INPP5A: variants seen among roughly 807,000 people sequenced by gnomAD.
INPP5A encodes 43 kDa inositol polyphosphate 5-phophatase.
In INPP5A, 14 loss-of-function variants were observed where a neutral mutation model predicts 65.2. The ratio of observed to expected loss-of-function variants is 0.21; its 90% CI spans 0.14 to 0.34. INPP5A has a LOEUF of 0.34. INPP5A is among the 10% of genes least tolerant of loss of function. INPP5A has a pLI of 1.00. For missense variants in INPP5A, 431 were observed against 545.6 expected (o/e 0.79, Z 2.09); for synonymous variants, 207 against 208.3 (o/e 0.99, Z 0.05).
At chr10:132,712,940 G>A (rs1398664545) in intron 8 of INPP5A, among the ~76,000 whole-genome samples, 1 of 150,184 alleles carries the variant, frequency 6.7e-6, no homozygotes, top group African/African-American at 2.4e-5. Flanking sequence ...ATGCATGGGT[G>A]TGGGCGTGTG....
chr10:132,580,702 C>G (rs2071471918), intron 1 of INPP5A, among the ~76,000 whole-genome samples: 1 of 152,210 alleles, frequency 6.6e-6, no homozygotes, highest in African/African-American at 2.4e-5. Context: ...AATTTTATAG[C>G]TAACACTTGT....
rs571369920 is a variant in INPP5A, at chr10:132,712,459, G to A, written c.647+2003G>A. 1.9e-3 allele frequency among the ~76,000 whole-genome samples: 290 copies of A among 151,980 alleles called. 4 individuals are homozygous for A. The highest frequency in any genetic ancestry group is 6.8e-3 in the African/African-American group (280 of 41,436). Reference sequence around the variant, plus strand: ...CGTGTGTGGGTGTGTGTGGGTGCATGTGTGGTGTGGATGTGTGTGGGTACA... The same window carrying A: ...CGTGTGTGGGTGTGTGTGGGTGCATATGTGGTGTGGATGTGTGTGGGTACA... On this transcript the variant is annotated intron_variant, in intron 8 of 15. Coordinates refer to ENST00000368594, the MANE Select transcript of INPP5A (RefSeq NM_005539.5).
rs1283389206 is a variant in INPP5A, at chr10:132,674,146, C to T, written c.307-16246C>T. Among the ~76,000 whole-genome samples, 1 of 152,252 alleles carries T rather than the reference C, an allele frequency of 6.6e-6. No individual in the cohort carries two copies. Among genetic ancestry groups the T allele is most frequent in the Non-Finnish European group, 1.5e-5 (1 of 68,048 alleles). ...CATTGGTGAGCACTCACATGCGATA[C>T]AAATATCTTCACAAATTTTGACCAC... On this transcript the variant is annotated intron_variant, in intron 4 of 15. Transcript: ENST00000368594. The surrounding 1 kb of genome is among the most constrained non-coding windows in gnomAD (Gnocchi z 4.4).
At position 132,698,097 on chromosome 10, in the gene INPP5A, G is replaced by GT. The variant is rs770281405; in HGVS notation, c.474+179dup. On this transcript the variant is annotated intron_variant, in intron 6 of 15. Coordinates refer to ENST00000368594, the MANE Select transcript of INPP5A (RefSeq NM_005539.5). This position sits in a 1 kb window ranked among gnomAD's most constrained non-coding sequence, Gnocchi z 5.5. ...CTGTGGTTGGTCTGGGCTGTCACAC[G>GT]TAAGGGCAGTGAGAATCTAAGGCAT... 6.6e-6 allele frequency among the ~76,000 whole-genome samples: 1 copy of GT among 152,220 alleles called. No homozygotes were observed. The highest frequency in any genetic ancestry group is 1.5e-5 in the Non-Finnish European group (1 of 68,038).
rs916558063 is a variant in INPP5A at position 132,575,208 on chromosome 10, A to G, written c.76-32707A>G. Among the ~76,000 whole-genome samples the G allele has an allele frequency of 2.6e-5, 4 of 152,188 alleles. No individual in the cohort carries two copies. Among genetic ancestry groups the G allele is most frequent in the African/African-American group, 9.7e-5 (4 of 41,438 alleles). On this transcript the variant is annotated intron_variant, in intron 1 of 15. Coordinates refer to ENST00000368594, the MANE Select transcript of INPP5A (RefSeq NM_005539.5). This position sits in a 1 kb window ranked among gnomAD's most constrained non-coding sequence, Gnocchi z 5.4. ...CTGGCGTTTGCACCGGCCTGGACAC[A>G]TCGCAACCCTGACCTGTGTGCTGAA...
rs149033121 is a variant in INPP5A at position 132,707,212 on chromosome 10, C to T, written c.475-1101C>T. Among the ~76,000 whole-genome samples the T allele has an allele frequency of 2.0e-3, 306 of 152,374 alleles. 3 individuals carry two copies. Among genetic ancestry groups the T allele is most frequent in the African/African-American group, 6.0e-3 (249 of 41,590 alleles). ...GGGTCTTCCCTGTCCTGCTTTCCTT[C>T]TCTGCCAGCCCATGAGCACCAAGAA... On this transcript the variant is annotated intron_variant, in intron 6 of 15. Transcript: ENST00000368594. This position sits in a 1 kb window ranked among gnomAD's most constrained non-coding sequence, Gnocchi z 5.5.
chr10:132,651,283 G>T lies in INPP5A; in HGVS notation c.306+778G>T, dbSNP rs112386091. ...GGAGGCCCTGGGTCCCCCGGCCTGG[G>T]TCCATCTCCCCCGTCTCTGGGGAGG... On this transcript the variant is annotated intron_variant, in intron 4 of 15. Transcript: ENST00000368594. The surrounding 1 kb of genome is among the most constrained non-coding windows in gnomAD (Gnocchi z 5.0). Among the ~76,000 whole-genome samples the T allele has an allele frequency of 2.2e-4, 24 of 109,692 alleles. No homozygotes were observed. The highest frequency in any genetic ancestry group is 3.9e-4 in the African/African-American group (11 of 28,256). 72.0% of individuals were successfully genotyped at this position (109,692 alleles called of 152,430 possible).
chr10:132,578,464 C>A (rs1189855185), intron 1 of INPP5A, among the ~76,000 whole-genome samples: 1 of 79,532 alleles, frequency 1.3e-5, no homozygotes. Context: ...AGACCTTGCA[C>A]TGGAGCAGCT....
Position 132,753,149 on chromosome 10 carries a change from T to G in INPP5A, c.903+3304T>G, listed in dbSNP as rs1407488823. ...CCTTCGGGAACGCCCCATGGGTTCC[T>G]GCTGACCCGGGTGCCCTCGCACTTG... On this transcript the variant is annotated intron_variant, in intron 11 of 15. Coordinates refer to ENST00000368594, the MANE Select transcript of INPP5A (RefSeq NM_005539.5). The surrounding 1 kb of genome is among the most constrained non-coding windows in gnomAD (Gnocchi z 5.3). Among the ~76,000 whole-genome samples the G allele has an allele frequency of 6.6e-6, 1 of 152,128 alleles. No homozygotes were observed. Among genetic ancestry groups the G allele is most frequent in the Non-Finnish European group, 1.5e-5 (1 of 68,010 alleles).
chr10:132,701,977 CT>C (rs1845445058), intron 6 of INPP5A, among the ~76,000 whole-genome samples: 1 of 152,254 alleles, frequency 6.6e-6, no homozygotes, highest in South Asian at 2.1e-4. Flanking sequence ...GGGACGCCCT[CT>C]GTGAGGACTC....
Position 132,705,540 on chromosome 10 carries a change from G to C in INPP5A, c.475-2773G>C, listed in dbSNP as rs1845524897. On this transcript the variant is annotated intron_variant, in intron 6 of 15. Transcript: ENST00000368594. The surrounding 1 kb of genome is among the most constrained non-coding windows in gnomAD (Gnocchi z 4.9). ...TCCTCGACGAGTAGAGCCATAGCCTGGCGTCCAAGTGCGTGGCCAGGCCGG... is the reference window on the plus strand; with the variant it reads ...TCCTCGACGAGTAGAGCCATAGCCTCGCGTCCAAGTGCGTGGCCAGGCCGG... 6.6e-6 allele frequency among the ~76,000 whole-genome samples: 1 copy of C among 152,260 alleles called. No individual in the cohort carries two copies. The highest frequency in any genetic ancestry group is 2.4e-5 in the African/African-American group (1 of 41,464).
At chr10:132,558,803 G>A (rs2071162146) in intron 1 of INPP5A, among the ~76,000 whole-genome samples, 1 of 152,238 alleles carries the variant, frequency 6.6e-6, no homozygotes, top group Non-Finnish European at 1.5e-5. Context: ...TATTCCATGT[G>A]GCTTTTGAAG....
At chr10:132,660,104 T>G (rs2072716670) in intron 4 of INPP5A, among the ~76,000 whole-genome samples, 1 of 152,204 alleles carries the variant, frequency 6.6e-6, no homozygotes, top group Non-Finnish European at 1.5e-5. Context: ...CACATTATAA[T>G]GATGTAAATA....
At chr10:132,668,474 A>ACTG (rs2072836713) in intron 4 of INPP5A, among the ~76,000 whole-genome samples, 3 of 152,164 alleles carry the variant, frequency 2.0e-5, no homozygotes, top group Non-Finnish European at 2.9e-5. Context: ...GTAACCTCAA[A>ACTG]CTGTTTCACT....
rs186683284 is a variant in INPP5A, at chr10:132,707,368, C to A, written c.475-945C>A. Among the ~76,000 whole-genome samples, 7 of 152,344 alleles carry A rather than the reference C, an allele frequency of 4.6e-5. No individual in the cohort carries two copies. The highest frequency in any genetic ancestry group is 1.4e-4 in the African/African-American group (6 of 41,584). ...TGCCTGAAGCGCTTTGCTTTGTGGA[C>A]CTTGGACTTGACTCTGTCAGCCTCT... On this transcript the variant is annotated intron_variant, in intron 6 of 15. Coordinates refer to ENST00000368594, the MANE Select transcript of INPP5A (RefSeq NM_005539.5). This position sits in a 1 kb window ranked among gnomAD's most constrained non-coding sequence, Gnocchi z 5.5.
chr10:132,685,347 C>T (rs2073101496), intron 4 of INPP5A, among the ~76,000 whole-genome samples: 1 of 152,276 alleles, frequency 6.6e-6, no homozygotes, highest in Non-Finnish European at 1.5e-5. Flanking sequence ...CGGTTGGAAC[C>T]AGCACAGGGG....
intron 9 of INPP5A, among the ~76,000 whole-genome samples, chr10:132,731,685 G>C (rs1001744682): frequency 6.6e-6 from 1 of 152,204 alleles, no homozygotes; most frequent in African/African-American, 2.4e-5. Context: ...CCAGCCCCGC[G>C]ATCAGCTTGG....
intron 2 of INPP5A, among the ~76,000 whole-genome samples, chr10:132,615,589 C>T (rs867749529): frequency 2.6e-5 from 4 of 152,220 alleles, no homozygotes; most frequent in African/African-American, 9.6e-5. Context: ...AGCCTGCATT[C>T]GACACACAGC....
rs1403090781 is a variant in INPP5A at position 132,741,827 on chromosome 10, C to T, written c.733-7690C>T. Among the ~76,000 whole-genome samples, 14 of 150,518 alleles carry T rather than the reference C, an allele frequency of 9.3e-5. No homozygotes were observed. The highest frequency in any genetic ancestry group is 5.9e-4 in the East Asian group (3 of 5,106). ...CGACGTAAACTGAGGTGGACGTTGG[C>T]GTCCGCGTCTGCTTGCTTTACTCCA... On this transcript the variant is annotated intron_variant, in intron 9 of 15. Transcript: ENST00000368594. This position sits in a 1 kb window ranked among gnomAD's most constrained non-coding sequence, Gnocchi z 4.4.
Sources: allele counts gnomAD v4.1 joint callset (sites outside exome capture counted in the v4.1 genomes callset), GRCh38; gene constraint gnomAD v4.1.1; non-coding constraint Gnocchi (gnomAD v3.1); transcripts MANE v1.5; gene names NCBI Gene and HGNC (gene_info 2026-07-23, HGNC 2026-07-21).